SLC20A2: variants seen among roughly 807,000 people sequenced by gnomAD.
SLC20A2 encodes solute carrier family 20 member 2.
SLC20A2 carries 30 observed loss-of-function variants against 61.0 expected under a neutral mutation model. That is an observed-to-expected ratio of 0.49 (90% confidence interval 0.37 to 0.67). The LOEUF (loss-of-function observed/expected upper bound fraction) is 0.67. Among genes scored for constraint, SLC20A2 ranks in the 30% least tolerant of loss-of-function variants. The probability of loss-of-function intolerance (pLI) is 0.00; values close to 1 mark genes in which losing one functional copy is unlikely to be tolerated. For missense variants in SLC20A2, 626 were observed against 866.4 expected (o/e 0.72, Z 3.48); for synonymous variants, 351 against 353.3 (o/e 0.99, Z 0.07).
At chr8:42,420,684 T>G (rs1053687795) in intron 10 of SLC20A2, among the ~76,000 whole-genome samples, 8 of 152,226 alleles carry the variant, frequency 5.3e-5, no homozygotes, top group African/African-American at 1.4e-4. Flanking sequence ...TATCTACTTT[T>G]AAAAATTATT....
intron 1 of SLC20A2, among the ~76,000 whole-genome samples, chr8:42,524,264 A>G (rs909715328): frequency 6.6e-6 from 1 of 152,224 alleles, no homozygotes; most frequent in Non-Finnish European, 1.5e-5. Flanking sequence ...TATGCTTTGA[A>G]AAAAGTTTTT....
At chr8:42,493,687 C>T (rs1036253723) in intron 1 of SLC20A2, among the ~76,000 whole-genome samples, 3 of 152,136 alleles carry the variant, frequency 2.0e-5, no homozygotes, top group African/African-American at 7.2e-5. Flanking sequence ...TGTTAAGATC[C>T]AGTGTGGTAG....
chr8:42,526,438 C>T (rs991312606), intron 1 of SLC20A2, among the ~76,000 whole-genome samples: 1 of 151,862 alleles, frequency 6.6e-6, no homozygotes, highest in Non-Finnish European at 1.5e-5. Flanking sequence ...CTTTGGGAGG[C>T]CAAGGTGGGC....
intron 1 of SLC20A2, among the ~76,000 whole-genome samples, chr8:42,509,250 C>T (rs1029983328): frequency 1.3e-5 from 2 of 152,232 alleles, no homozygotes; most frequent in African/African-American, 4.8e-5. Context: ...GCTAAACACA[C>T]TTAAATGTTT....
chr8:42,446,214 C>T (rs1334751776), intron 5 of SLC20A2, among the ~76,000 whole-genome samples: 1 of 152,214 alleles, frequency 6.6e-6, no homozygotes, highest in Admixed American at 6.5e-5. Context: ...ACTTTTCACT[C>T]AAATCCCATA....
At chr8:42,428,330 C>A (rs1365934624) in intron 10 of SLC20A2, among the ~76,000 whole-genome samples, 3 of 152,242 alleles carry the variant, frequency 2.0e-5, no homozygotes, top group African/African-American at 7.2e-5. Flanking sequence ...AAACCAGAAA[C>A]AACTGTGTCC....
chr8:42,522,904 C>G (rs866614529), intron 1 of SLC20A2, among the ~76,000 whole-genome samples: 5 of 86,612 alleles, frequency 5.8e-5, no homozygotes, highest in African/African-American at 2.0e-4. Flanking sequence ...GTAGAGATGG[C>G]GGGGTGGGGG....
At chr8:42,461,462 T>TC (rs1806695424) in intron 4 of SLC20A2, among the ~76,000 whole-genome samples, 1 of 151,800 alleles carries the variant, frequency 6.6e-6, no homozygotes, top group South Asian at 2.1e-4. Flanking sequence ...ATCTTTTTTT[T>TC]TTTTTTTTAG....
At chr8:42,424,067 C>G (rs1803226754) in intron 10 of SLC20A2, among the ~76,000 whole-genome samples, 2 of 152,168 alleles carry the variant, frequency 1.3e-5, no homozygotes, top group African/African-American at 2.4e-5. Flanking sequence ...GATCCACAAA[C>G]AGGAATAATC....
In SLC20A2 at chr8:42,417,973, G is replaced by C. The variant is rs373182761; in HGVS notation, c.1795-6C>G. Reference sequence around the variant, plus strand: ...ACGGCCACCACCGAGCCCACCTGTGGGAGCAGACATTGCAAAGTAAAAACA... The same window carrying C: ...ACGGCCACCACCGAGCCCACCTGTGCGAGCAGACATTGCAAAGTAAAAACA... On this transcript the variant is annotated splice_region_variant and splice_polypyrimidine_tract_variant and intron_variant, in intron 10 of 10. Coordinates refer to ENST00000520262, the MANE Select transcript of SLC20A2 (RefSeq NM_001257180.2). 10 of 1,611,692 alleles carry C rather than the reference G, an allele frequency of 6.2e-6. No homozygotes were observed. The African/African-American group carries it at 1.2e-4, about 19-fold the overall frequency.
At chr8:42,538,137 C>T (rs926043156) in intron 1 of SLC20A2, 1 of 151,842 alleles carries the variant, frequency 6.6e-6, no homozygotes, top group Non-Finnish European at 1.5e-5. Flanking sequence ...TAAAATATAA[C>T]CTACCATTTT....
At chr8:42,443,309 A>G (rs1163824764) in intron 6 of SLC20A2, among the ~76,000 whole-genome samples, 2 of 126,912 alleles carry the variant, frequency 1.6e-5, no homozygotes, top group Non-Finnish European at 3.3e-5. Flanking sequence ...ATATATATAT[A>G]ATAAAATGTA....
chr8:42,423,523 GGTC>G (rs564079806), intron 10 of SLC20A2, among the ~76,000 whole-genome samples: 182 of 151,990 alleles, frequency 1.2e-3, no homozygotes, highest in African/African-American at 4.3e-3. Context: ...TTTTTATCAT[GGTC>G]TTCTGATTTT....
intron 1 of SLC20A2, among the ~76,000 whole-genome samples, chr8:42,498,366 T>C (rs1444529266): frequency 6.6e-6 from 1 of 152,192 alleles, no homozygotes; most frequent in Non-Finnish European, 1.5e-5. Flanking sequence ...CTAATCGTCT[T>C]TGGCAAAAGC....
intron 1 of SLC20A2, among the ~76,000 whole-genome samples, chr8:42,506,360 C>T (rs1357106938): frequency 6.6e-6 from 1 of 152,190 alleles, no homozygotes; most frequent in Non-Finnish European, 1.5e-5. Flanking sequence ...GACTTGGCTT[C>T]CTCGCCTGTA....
intron 10 of SLC20A2, among the ~76,000 whole-genome samples, chr8:42,427,471 G>A (rs148386433): frequency 2.6e-5 from 4 of 152,286 alleles, no homozygotes; most frequent in East Asian, 3.9e-4. Flanking sequence ...TGACAGTTCC[G>A]CCCCCACAGG....
intron 10 of SLC20A2, among the ~76,000 whole-genome samples, chr8:42,422,015 T>C (rs1310127062): frequency 6.6e-6 from 1 of 152,170 alleles, no homozygotes; most frequent in Non-Finnish European, 1.5e-5. Context: ...CACTTTCTGG[T>C]AATCTTGATC....
intron 8 of SLC20A2, among the ~76,000 whole-genome samples, chr8:42,436,541 G>C (rs1804272795): frequency 6.6e-6 from 1 of 152,172 alleles, no homozygotes; most frequent in African/African-American, 2.4e-5. Context: ...CCTGCTCACA[G>C]CTCCACGGCT....
rs766044836 is a variant in SLC20A2 at position 42,417,854 on chromosome 8, G to C, written c.1908C>G (p.Phe636Leu). The C allele has an allele frequency of 6.2e-7, 1 of 1,613,982 alleles. No individual in the cohort carries two copies. Among genetic ancestry groups the C allele is most frequent in the East Asian group, 2.2e-5 (1 of 44,876 alleles). ...TGAGAAGAGCCATGACAGCAGCGCTGAACAGCCCAGCCACAGGGACGGTCA... is the reference window on the plus strand; with the variant it reads ...TGAGAAGAGCCATGACAGCAGCGCTCAACAGCCCAGCCACAGGGACGGTCA... ...WFVTVPVAGL[F>L]SAAVMALLMY... Residue 636 changes from phenylalanine to leucine, a missense_variant, in exon 11 of 11, where the codon TTC becomes TTG. Phe to Leu is a conservative substitution (Grantham distance 22). Transcript: ENST00000520262.
Sources: allele counts gnomAD v4.1 joint callset (sites outside exome capture counted in the v4.1 genomes callset), GRCh38; gene constraint gnomAD v4.1.1; transcripts MANE v1.5; gene names NCBI Gene and HGNC (gene_info 2026-07-23, HGNC 2026-07-21).